Variants in SH3RF3 observed in about 807,000 individuals in gnomAD.
SH3RF3 encodes SH3 domain containing ring finger 3.
A neutral mutation model predicts 66.3 loss-of-function variants in SH3RF3; 29 were observed. The ratio of observed to expected loss-of-function variants is 0.44; its 90% CI spans 0.33 to 0.60. The LOEUF is 0.60. Ranked by LOEUF, SH3RF3 falls within the 20% of genes least tolerant of loss-of-function variation. SH3RF3 has a pLI of 0.04. For synonymous variants in SH3RF3, 583 were observed against 532.0 expected (o/e 1.10, Z -1.32); for missense variants, 1,194 against 1,190.9 (o/e 1.00, Z -0.04).
At chr2:109,376,210 G>A (rs1683379426) in intron 3 of SH3RF3, among the ~76,000 whole-genome samples, 1 of 152,258 alleles carries the variant, frequency 6.6e-6, no homozygotes, top group Non-Finnish European at 1.5e-5. Context: ...GGCCTGGTTA[G>A]CTGAATGGGT....
At chr2:109,245,196 G>A (rs1679886960) in intron 1 of SH3RF3, among the ~76,000 whole-genome samples, 1 of 152,094 alleles carries the variant, frequency 6.6e-6, no homozygotes, top group Non-Finnish European at 1.5e-5. Flanking sequence ...TGTGCTCCTG[G>A]TGAATGTATA....
intron 1 of SH3RF3, among the ~76,000 whole-genome samples, chr2:109,219,898 C>T (rs758643462): frequency 2.6e-5 from 4 of 152,204 alleles, no homozygotes; most frequent in East Asian, 1.9e-4. Flanking sequence ...ACCCCAATGG[C>T]GTTTTTTAGA....
At chr2:109,369,656 C>T (rs572476807) in intron 2 of SH3RF3, among the ~76,000 whole-genome samples, 4 of 152,126 alleles carry the variant, frequency 2.6e-5, no homozygotes. Context: ...TGGGAGAGGG[C>T]GGTTTGGAAG....
intron 1 of SH3RF3, among the ~76,000 whole-genome samples, chr2:109,234,483 C>T (rs1679596432): frequency 6.6e-6 from 1 of 152,212 alleles, no homozygotes; most frequent in Non-Finnish European, 1.5e-5. Flanking sequence ...GGCTAGAGAA[C>T]ACACATTCTT....
chr2:109,242,755 T>C (rs902436073), intron 1 of SH3RF3, among the ~76,000 whole-genome samples: 4 of 152,208 alleles, frequency 2.6e-5, no homozygotes, highest in African/African-American at 9.6e-5. Flanking sequence ...CTTGATCTTC[T>C]TTCCCCAGTG....
intron 1 of SH3RF3, among the ~76,000 whole-genome samples, chr2:109,249,583 C>CTTT (rs1553491291): frequency 1.2e-5 from 1 of 84,402 alleles, no homozygotes; most frequent in Non-Finnish European, 2.3e-5. Context: ...TTCCTTCCTT[C>CTTT]CTTTCCTTTC....
chr2:109,267,889 G>C (rs1166748702), intron 1 of SH3RF3, among the ~76,000 whole-genome samples: 1 of 150,568 alleles, frequency 6.6e-6, no homozygotes, highest in East Asian at 2.1e-4. Flanking sequence ...AGGGGAGAAA[G>C]GAGCTGCTGC....
chr2:109,374,917 C>T (rs1323298929), intron 3 of SH3RF3, among the ~76,000 whole-genome samples: 2 of 152,220 alleles, frequency 1.3e-5, no homozygotes, highest in Admixed American at 6.5e-5. Context: ...GAGAGTGTGC[C>T]CTGCACAGTG....
chr2:109,377,918 C>T (rs780506104), intron 3 of SH3RF3, among the ~76,000 whole-genome samples: 35 of 152,252 alleles, frequency 2.3e-4, no homozygotes, highest in Non-Finnish European at 5.0e-4. Flanking sequence ...GGCACAACGA[C>T]AGCTCTCATT....
chr2:109,309,381 C>T (rs1681674709), intron 1 of SH3RF3, among the ~76,000 whole-genome samples: 1 of 147,464 alleles, frequency 6.8e-6, no homozygotes, highest in African/African-American at 2.6e-5. Flanking sequence ...CAACCGGTAC[C>T]AGCTGCTGCA....
At chr2:109,174,305 G>T (rs1677868429) in intron 1 of SH3RF3, among the ~76,000 whole-genome samples, 1 of 152,258 alleles carries the variant, frequency 6.6e-6, no homozygotes, top group South Asian at 2.1e-4. Context: ...GGCAAGAGGG[G>T]AGAGGAACAG....
chr2:109,184,293 C>T (rs1274084912), intron 1 of SH3RF3, among the ~76,000 whole-genome samples: 1 of 152,204 alleles, frequency 6.6e-6, no homozygotes, highest in Admixed American at 6.5e-5. Context: ...TTCTCCCTTA[C>T]TTCAAATGAC....
chr2:109,129,408 G>C lies in SH3RF3; in HGVS notation c.-133G>C. 7.0e-7 allele frequency: 1 copy of C among 1,432,094 alleles called. No homozygotes were observed. Among genetic ancestry groups the C allele is most frequent in the Non-Finnish European group, 9.3e-7 (1 of 1,070,488 alleles). The allele number at this position is 1,432,094 out of a possible 1,614,324, so 88.7% of individuals were successfully genotyped here. A position where few individuals can be genotyped will look rare whatever the true frequency, so the allele number is the denominator to read the frequency against. On this transcript the variant is annotated 5_prime_UTR_variant, in exon 1 of 10. Transcript: ENST00000309415. ...TTCGCACCGCCACAGCCCTAGCATC[G>C]GGCCACCAGCCGGGGTGAAGAAAGT...
At chr2:109,189,555 A>C (rs1469077140) in intron 1 of SH3RF3, among the ~76,000 whole-genome samples, 1 of 151,642 alleles carries the variant, frequency 6.6e-6, no homozygotes, top group Non-Finnish European at 1.5e-5. Flanking sequence ...TTTTAGTAGA[A>C]GCGGGGTTTC....
At chr2:109,389,881 G>A (rs924363276) in intron 3 of SH3RF3, among the ~76,000 whole-genome samples, 6 of 152,120 alleles carry the variant, frequency 3.9e-5, no homozygotes, top group Non-Finnish European at 5.9e-5. Flanking sequence ...TGGCTGGGCC[G>A]GCCCTGGGAG....
chr2:109,179,238 T>C (rs1182205994), intron 1 of SH3RF3, among the ~76,000 whole-genome samples: 1 of 152,196 alleles, frequency 6.6e-6, no homozygotes, highest in East Asian at 1.9e-4. Flanking sequence ...TTCTGACATG[T>C]GATCCTTTTT....
chr2:109,284,924 CAG>C (rs1386933774), intron 1 of SH3RF3, among the ~76,000 whole-genome samples: 1 of 152,228 alleles, frequency 6.6e-6, no homozygotes, highest in Non-Finnish European at 1.5e-5. Flanking sequence ...TCCCTGATGA[CAG>C]AGTTTGGGAA....
At chr2:109,478,253 G>A (rs1678741336) in intron 8 of SH3RF3, among the ~76,000 whole-genome samples, 1 of 152,192 alleles carries the variant, frequency 6.6e-6, no homozygotes, top group Non-Finnish European at 1.5e-5. Flanking sequence ...CTCTCTCTCA[G>A]TTCCCATAAA....
At chr2:109,178,297 T>C (rs569851948) in intron 1 of SH3RF3, among the ~76,000 whole-genome samples, 1 of 152,370 alleles carries the variant, frequency 6.6e-6, no homozygotes, top group Admixed American at 6.5e-5. Flanking sequence ...TTTTTAGAGC[T>C]CTTTTATGAA....
Sources: allele counts gnomAD v4.1 joint callset (sites outside exome capture counted in the v4.1 genomes callset), GRCh38; gene constraint gnomAD v4.1.1; transcripts MANE v1.5; gene names NCBI Gene and HGNC (gene_info 2026-07-23, HGNC 2026-07-21).